CNOT1: variants seen among roughly 807,000 people sequenced by gnomAD.
The protein encoded by CNOT1 is CCR4-NOT transcription complex subunit 1.
CNOT1 carries 15 observed loss-of-function variants against 273.8 expected under a neutral mutation model. That is an observed-to-expected ratio of 0.05 (90% CI 0.04 to 0.08). CNOT1 has a LOEUF of 0.08. Among genes scored for constraint, CNOT1 ranks in the 10% least tolerant of loss-of-function variants. The pLI is 1.00. For missense variants in CNOT1, 1,644 were observed against 2,912.2 expected (o/e 0.56, Z 10.02); for synonymous variants, 1,022 against 1,005.5 (o/e 1.02, Z -0.31).
chr16:58,575,150 G>C, intron 14 of CNOT1, 21 bp from the exon 15 acceptor site: 1 of 1,604,752 alleles, frequency 6.2e-7, no homozygotes, highest in Non-Finnish European at 8.5e-7. Flanking sequence ...AAGCACATTA[G>C]ATAATGCAAA....
intron 7 of CNOT1, 73 bp from the exon 8 acceptor site, chr16:58,585,579 C>T (rs2041806853): frequency 2.6e-5 from 39 of 1,521,882 alleles, no homozygotes; most frequent in Non-Finnish European, 3.2e-5. Flanking sequence ...TATCCAAAAT[C>T]CCCTCAAACC....
rs369070141 is a variant in CNOT1, at chr16:58,530,087, T to C, written c.6279+159A>G. ...TGAACATATACAAACACTGTACAAT[T>C]TGGGTGCTAGTTATGCAAGTACACT... On this transcript the variant is annotated intron_variant, in intron 43 of 48. Coordinates refer to ENST00000317147, the MANE Select transcript of CNOT1 (RefSeq NM_016284.5). 1.5e-3 allele frequency among the ~76,000 whole-genome samples: 224 copies of C among 152,226 alleles called. 1 individual carries two copies. The Middle Eastern group carries it at 0.027, about 18-fold the overall frequency.
chr16:58,621,290 T>C (rs1490446112), intron 1 of CNOT1, among the ~76,000 whole-genome samples: 2 of 152,058 alleles, frequency 1.3e-5, no homozygotes, highest in Non-Finnish European at 2.9e-5. Flanking sequence ...TTTTCTTTTT[T>C]GAGACAGAGT....
chr16:58,562,684 G>A (rs1487332349), intron 16 of CNOT1, among the ~76,000 whole-genome samples: 1 of 151,774 alleles, frequency 6.6e-6, no homozygotes, highest in East Asian at 1.9e-4. Flanking sequence ...TTAGCCGGGT[G>A]TGTTGGCAGG....
intron 12 of CNOT1, among the ~76,000 whole-genome samples, chr16:58,579,341 C>G (rs2151971474): frequency 6.6e-6 from 1 of 152,254 alleles, no homozygotes; most frequent in South Asian, 2.1e-4. Flanking sequence ...TGGACTGCGT[C>G]TGGATTCTCA....
intron 1 of CNOT1, among the ~76,000 whole-genome samples, chr16:58,611,409 A>T (rs1292785513): frequency 2.0e-5 from 3 of 152,128 alleles, no homozygotes; most frequent in Non-Finnish European, 4.4e-5. Context: ...AGTCTGAGCG[A>T]CAGAGCGAGA....
chr16:58,622,314 A>T (rs1449518084), intron 1 of CNOT1, among the ~76,000 whole-genome samples: 4 of 105,696 alleles, frequency 3.8e-5, no homozygotes, highest in African/African-American at 1.6e-4. Flanking sequence ...ACTGTATCTC[A>T]AAAAATGTAC....
At chr16:58,608,842 T>C (rs1341181243) in intron 1 of CNOT1, among the ~76,000 whole-genome samples, 1 of 152,200 alleles carries the variant, frequency 6.6e-6, no homozygotes, top group Non-Finnish European at 1.5e-5. Context: ...GAGACTATTA[T>C]TCTAAGCAAA....
chr16:58,602,491 T>C (rs1263233473), intron 1 of CNOT1, among the ~76,000 whole-genome samples: 1 of 134,870 alleles, frequency 7.4e-6, no homozygotes. Context: ...AGGCGGAGGT[T>C]GCAGTGAGCC....
At position 58,574,758 on chromosome 16, in the gene CNOT1, C is replaced by A. The variant is rs2041401969; in HGVS notation, c.1830G>T (p.Glu610Asp). ...WLTDKIREHG[E>D]PFIQACMTFL... ...AAGTCATACACGCCTGGATAAAAGG[C>A]TCCTGAAGAATAGAAAAGTCTCTCA... is the stretch of plus-strand genomic sequence containing the variant. Residue 610 changes from glutamate to aspartate, a missense_variant and splice_region_variant, in exon 16 of 49, where the codon GAG becomes GAT. Glu to Asp is a conservative substitution (Grantham distance 45, BLOSUM62 2). This residue lies in a region of CNOT1 where 706 missense variants were observed against 1,021.2 expected (regional missense o/e 0.69). Coordinates refer to ENST00000317147, the MANE Select transcript of CNOT1 (RefSeq NM_016284.5). The A allele has an allele frequency of 6.3e-7, 1 of 1,588,634 alleles. No homozygotes were observed. Among genetic ancestry groups the A allele is most frequent in the African/African-American group, 1.4e-5 (1 of 72,824 alleles).
chr16:58,520,164 G>T lies in CNOT1; in HGVS notation c.*794C>A, dbSNP rs1211124109. The T allele has an allele frequency of 6.6e-6, 1 of 152,052 alleles. No homozygotes were observed. Among genetic ancestry groups the T allele is most frequent in the Non-Finnish European group, 1.5e-5 (1 of 68,026 alleles). The allele number at this position is 152,052 out of a possible 1,614,324, so 9.4% of individuals were successfully genotyped here. ...CCATTCATTCAGTGGGGTAATGGGG[G>T]AGAACAATTAATTAATGAGATTTGG... On this transcript the variant is annotated 3_prime_UTR_variant, in exon 49 of 49. Transcript: ENST00000317147.
chr16:58,526,242 T>TG (rs1416958394), intron 44 of CNOT1, 104 bp from the exon 45 acceptor site: 1 of 1,183,542 alleles, frequency 8.4e-7, no homozygotes, highest in Non-Finnish European at 1.2e-6. Context: ...ATATACACTA[T>TG]AAATGCCTTG....
At chr16:58,568,409 G>A (rs1021872586) in intron 16 of CNOT1, among the ~76,000 whole-genome samples, 2 of 151,404 alleles carry the variant, frequency 1.3e-5, no homozygotes, top group Admixed American at 6.6e-5. Flanking sequence ...CTTTGAGCCG[G>A]GTGCAGTGGC....
chr16:58,525,544 G>T (rs747269577), intron 45 of CNOT1, among the ~76,000 whole-genome samples, 185 bp from the exon 46 acceptor site: 2 of 146,492 alleles, frequency 1.4e-5, no homozygotes, highest in African/African-American at 4.9e-5. Flanking sequence ...GTATCAATAA[G>T]AGAAATGTGA....
intron 2 of CNOT1, among the ~76,000 whole-genome samples, chr16:58,596,438 T>G (rs913701187): frequency 6.6e-6 from 1 of 152,096 alleles, no homozygotes; most frequent in African/African-American, 2.4e-5. Flanking sequence ...GCCTCACAGG[T>G]ACCTAACAGA....
chr16:58,551,545 T>A (rs769760979), intron 23 of CNOT1, 44 bp downstream of exon 23: 2 of 1,559,612 alleles, frequency 1.3e-6, no homozygotes, highest in East Asian at 2.3e-5. Context: ...ATTATTACAA[T>A]ATAATCATAA....
intron 8 of CNOT1, 83 bp downstream of exon 8, chr16:58,585,255 A>T: frequency 1.9e-6 from 3 of 1,568,652 alleles, no homozygotes; most frequent in Non-Finnish European, 2.6e-6. Context: ...ATTAACTTTA[A>T]GGAATTTTAG....
At chr16:58,576,291 G>A (rs2041456400) in intron 14 of CNOT1, among the ~76,000 whole-genome samples, 172 bp downstream of exon 14, 1 of 151,992 alleles carries the variant, frequency 6.6e-6, no homozygotes, top group Non-Finnish European at 1.5e-5. Flanking sequence ...TCTATTTTTA[G>A]TAGAGATGGT....
chr16:58,587,431 T>G lies in CNOT1; in HGVS notation c.310-18A>C, dbSNP rs1398498834. ...TTTAAACTCTGAAACAAACCAAATT[T>G]TAGTTTAAAATAAGAACTTACTTTT... On this transcript the variant is annotated intron_variant, in intron 4 of 48. Transcript: ENST00000317147. 6.2e-7 allele frequency: 1 copy of G among 1,610,930 alleles called. No individual in the cohort carries two copies. Among genetic ancestry groups the G allele is most frequent in the Non-Finnish European group, 8.5e-7 (1 of 1,179,560 alleles).
Sources: gnomAD v4.1 joint callset for allele counts (sites outside exome capture counted in the v4.1 genomes callset) on GRCh38, gnomAD v4.1.1 for gene constraint, gnomAD v4.1.1 regional missense constraint, MANE v1.5 for transcripts, NCBI Gene and HGNC (gene_info 2026-07-23, HGNC 2026-07-21) for gene names.